PCDHA13: variants seen among roughly 807,000 people sequenced by gnomAD.
PCDHA13 encodes protocadherin alpha-13.
A neutral mutation model predicts 64.8 loss-of-function variants in PCDHA13; 54 were observed. The ratio of observed to expected loss-of-function variants is 0.83; its 90% CI spans 0.67 to 1.04. The LOEUF is 1.04. PCDHA13 is among the 50% of genes least tolerant of loss of function. The pLI is 0.00. For missense variants in PCDHA13, 1,248 were observed against 1,254.3 expected (o/e 0.99, Z 0.08); for synonymous variants, 587 against 564.4 (o/e 1.04, Z -0.57).
At chr5:140,952,389 ACT>A (rs2094739055) in intron 1 of PCDHA13, among the ~76,000 whole-genome samples, 2 of 151,722 alleles carry the variant, frequency 1.3e-5, no homozygotes, top group African/African-American at 4.8e-5. Flanking sequence ...GGTACCCTAA[ACT>A]CATCATTCTC....
In PCDHA13 at chr5:141,011,172, A is replaced by G. The variant is rs377766708; in HGVS notation, c.*1235A>G. On this transcript the variant is annotated 3_prime_UTR_variant, in exon 4 of 4. Transcript: ENST00000289272. ...TCTAACCAACTATATATCAAGACCC[A>G]AAAATTGAAGAAAAATATTGTTTTC... 53 of 153,852 alleles carry G rather than the reference A, an allele frequency of 3.4e-4. No individual in the cohort carries two copies. Among genetic ancestry groups the G allele is most frequent in the African/African-American group, 1.2e-3 (51 of 41,568 alleles). 9.5% of individuals were successfully genotyped at this position (153,852 alleles called of 1,614,324 possible).
At chr5:140,925,479 A>G (rs2082513030) in intron 1 of PCDHA13, among the ~76,000 whole-genome samples, 1 of 152,116 alleles carries the variant, frequency 6.6e-6, no homozygotes. Context: ...TGTTTCTCAT[A>G]GAACTGATCA....
chr5:140,884,466 C>T lies in PCDHA13; in HGVS notation c.2198C>T (p.Ala733Val), dbSNP rs1212644572. The T allele has an allele frequency of 1.9e-6, 3 of 1,613,764 alleles. No homozygotes were observed. Among genetic ancestry groups the T allele is most frequent in the Non-Finnish European group, 2.5e-6 (3 of 1,179,822 alleles). ...GCACCGCCCACCGAGGGCGCGTGCG[C>T]GCCGGGCAAGCCCACTCTAGTGTGC... is the stretch of plus-strand genomic sequence containing the variant. ...CSAPPTEGAC[A>V]PGKPTLVCSS... Residue 733 changes from alanine (A) to valine (V), a missense_variant, in exon 1 of 4, where the codon GCG (alanine) becomes GTG (valine). Transcript: ENST00000289272.
chr5:140,917,164 G>C (rs155804), intron 1 of PCDHA13, among the ~76,000 whole-genome samples: 48,022 of 151,994 alleles, frequency 0.32, 7,940 homozygotes, highest in East Asian at 0.52. Context: ...TATGGGAGGG[G>C]TGATGGTGGT....
chr5:140,896,214 G>C (rs1265727629), intron 1 of PCDHA13, among the ~76,000 whole-genome samples: 4 of 152,208 alleles, frequency 2.6e-5, no homozygotes, highest in Non-Finnish European at 5.9e-5. Context: ...ACACATACAT[G>C]TGTCTTTATA....
chr5:140,992,807 C>T (rs781970284), intron 3 of PCDHA13, among the ~76,000 whole-genome samples: 2 of 152,226 alleles, frequency 1.3e-5, no homozygotes, highest in African/African-American at 4.8e-5. Flanking sequence ...CCATATGTAT[C>T]TAAGGATGTG....
At position 140,883,502 on chromosome 5, in the gene PCDHA13, G is replaced by T; in HGVS notation, c.1234G>T (p.Ala412Ser). The stretch of plus-strand genomic sequence containing the variant: ...CTACTACTCATTAGTGCTGGACAGC[G>T]CCCTGGACCGCGAGAGCGTATCAGC... The part of the protein sequence containing the change: ...KNYYSLVLDS[A>S]LDRESVSAYE... The change falls in exon 1 of 4, where the codon GCC (alanine) becomes TCC (serine). Residue 412 changes from alanine to serine, a missense_variant. Coordinates refer to ENST00000289272, the MANE Select transcript of PCDHA13 (RefSeq NM_018904.3). 6.2e-7 allele frequency: 1 copy of T among 1,614,160 alleles called. No individual in the cohort carries two copies. Among genetic ancestry groups the T allele is most frequent in the Non-Finnish European group, 8.5e-7 (1 of 1,180,032 alleles).
intron 1 of PCDHA13, among the ~76,000 whole-genome samples, chr5:140,888,214 G>T (rs2061741689): frequency 6.6e-6 from 1 of 152,130 alleles, no homozygotes; most frequent in African/African-American, 2.4e-5. Context: ...TGGATTTTGT[G>T]TGTGTGTGCA....
At chr5:140,975,520 T>G (rs2153807475) in intron 1 of PCDHA13, among the ~76,000 whole-genome samples, 1 of 152,342 alleles carries the variant, frequency 6.6e-6, no homozygotes, top group East Asian at 1.9e-4. Flanking sequence ...AAATCTGCAG[T>G]GGATATATTC....
chr5:140,952,072 A>G (rs1433517410), intron 1 of PCDHA13, among the ~76,000 whole-genome samples: 1 of 152,112 alleles, frequency 6.6e-6, no homozygotes, highest in Non-Finnish European at 1.5e-5. Context: ...AATAATCTTC[A>G]TTGACTCCAT....
chr5:140,952,948 A>AG (rs1177459807), intron 1 of PCDHA13, among the ~76,000 whole-genome samples: 39 of 152,028 alleles, frequency 2.6e-4, no homozygotes, highest in African/African-American at 8.5e-4. Context: ...GAGAGAGAGA[A>AG]GGGGGAAGTG....
At chr5:140,921,198 A>T (rs1298623554) in intron 1 of PCDHA13, among the ~76,000 whole-genome samples, 2 of 152,076 alleles carry the variant, frequency 1.3e-5, no homozygotes, top group African/African-American at 4.8e-5. Flanking sequence ...CAATAGATTG[A>T]CAACGATAAT....
chr5:140,890,190 A>C (rs1213958471), intron 1 of PCDHA13, among the ~76,000 whole-genome samples: 3 of 152,084 alleles, frequency 2.0e-5, no homozygotes, highest in Middle Eastern at 3.2e-3. Flanking sequence ...TACAAAACAG[A>C]GTTTTTTGTT....
intron 3 of PCDHA13, among the ~76,000 whole-genome samples, chr5:140,985,614 C>G (rs2097160648): frequency 6.6e-6 from 1 of 152,100 alleles, no homozygotes; most frequent in East Asian, 1.9e-4. Flanking sequence ...TTCCGTGAAC[C>G]AGCTGTGTAT....
At chr5:140,940,101 G>A (rs754155361) in intron 1 of PCDHA13, among the ~76,000 whole-genome samples, 23 of 152,148 alleles carry the variant, frequency 1.5e-4, no homozygotes, top group Non-Finnish European at 3.2e-4. Flanking sequence ...AACTTTTAGC[G>A]TTATGTATTA....
chr5:140,954,355 G>A (rs10054520), intron 1 of PCDHA13, among the ~76,000 whole-genome samples: 9 of 152,232 alleles, frequency 5.9e-5, no homozygotes, highest in African/African-American at 1.7e-4. Context: ...TTGAGGAATC[G>A]CCACACAGTC....
intron 3 of PCDHA13, among the ~76,000 whole-genome samples, chr5:140,985,897 T>G (rs1037239723): frequency 1.3e-5 from 2 of 151,648 alleles, no homozygotes; most frequent in Non-Finnish European, 2.9e-5. Context: ...CCGCCACCAC[T>G]CCCGTCTAAT....
At chr5:140,924,902 A>AAAAAAT (rs1554202311) in intron 1 of PCDHA13, among the ~76,000 whole-genome samples, 400 of 39,066 alleles carry the variant, frequency 0.01, 1 homozygote, top group Middle Eastern at 0.023. Flanking sequence ...CTCAAAAAAA[A>AAAAAAT]AAATAAAATA....
intron 1 of PCDHA13, among the ~76,000 whole-genome samples, chr5:140,960,125 G>A (rs2153724181): frequency 6.6e-6 from 1 of 152,336 alleles, no homozygotes; most frequent in East Asian, 1.9e-4. Context: ...TATTCCTTAT[G>A]AAATACTTAG....
Sources: gnomAD v4.1 joint callset for allele counts (sites outside exome capture counted in the v4.1 genomes callset) on GRCh38, gnomAD v4.1.1 for gene constraint, MANE v1.5 for transcripts, NCBI Gene and HGNC (gene_info 2026-07-23, HGNC 2026-07-21) for gene names.